RALGAPB: variants seen among roughly 807,000 people sequenced by gnomAD.
RALGAPB encodes Ral GTPase activating protein non-catalytic subunit beta, also known as ral GTPase-activating protein subunit beta.
Under a neutral mutation model 161.1 loss-of-function variants are expected in RALGAPB, and 25 were observed. The observed-to-expected ratio is 0.16, with a 90% CI of 0.11 to 0.22. The LOEUF (loss-of-function observed/expected upper bound fraction) is 0.22, where lower values mean the gene tolerates loss of function less well. Ranked by LOEUF, RALGAPB falls within the 10% of genes least tolerant of loss-of-function variation. The pLI, the probability that RALGAPB is intolerant of heterozygous loss-of-function variation, is 1.00. For synonymous variants in RALGAPB, 629 were observed against 626.1 expected, an observed-to-expected ratio of 1.00 and a Z score of -0.07; for missense variants, 1,391 against 1,815.2, an observed-to-expected ratio of 0.77 and a Z score of 4.25.
chr20:38,473,362 C>T (rs934722181), intron 1 of RALGAPB, among the ~76,000 whole-genome samples: 5 of 152,084 alleles, frequency 3.3e-5, no homozygotes, highest in African/African-American at 1.2e-4. Flanking sequence ...GGGTCTGGAG[C>T]GGAGCTAGAC....
intron 14 of RALGAPB, among the ~76,000 whole-genome samples, chr20:38,531,818 AATT>A (rs1366067371): frequency 5.3e-5 from 8 of 152,126 alleles, no homozygotes; most frequent in Admixed American, 6.5e-5. Context: ...TGGGTGATCA[AATT>A]ATTATTACGG....
At chr20:38,557,200 G>T (rs2087614526) in intron 22 of RALGAPB, among the ~76,000 whole-genome samples, 1 of 152,174 alleles carries the variant, frequency 6.6e-6, no homozygotes, top group Admixed American at 6.5e-5. Flanking sequence ...TGAAAAATGT[G>T]TAGACTTAAT....
intron 13 of RALGAPB, among the ~76,000 whole-genome samples, chr20:38,530,303 A>T (rs6100086): frequency 6.6e-6 from 1 of 152,144 alleles, no homozygotes; most frequent in Non-Finnish European, 1.5e-5. Context: ...TACTACAGCT[A>T]ATTTTATACA....
chr20:38,483,754 C>T lies in RALGAPB; in HGVS notation c.-30-4649C>T, dbSNP rs542386044. Among the ~76,000 whole-genome samples the T allele has an allele frequency of 3.2e-4, 49 of 152,274 alleles. No homozygotes were observed. In the South Asian group the frequency reaches 0.01, roughly 32 times the overall value. On this transcript the variant is annotated intron_variant, in intron 1 of 29. Transcript: ENST00000262879. ...GTGAGGGTTCTGCCATGGTGCTATC[C>T]TGAGAGGTTGATTCTTGCCTAGGAG...
At chr20:38,497,222 CT>C in intron 3 of RALGAPB, 130 bp from the exon 4 acceptor site, 1 of 791,296 alleles carries the variant, frequency 1.3e-6, no homozygotes, top group Non-Finnish European at 2.0e-6. Context: ...GACGGTATGC[CT>C]AGCCCTCTCT....
At position 38,578,601 on chromosome 20, in the gene RALGAPB, T is replaced by G. The variant is rs547820116; in HGVS notation, c.*3634T>G. The stretch of plus-strand genomic sequence containing the variant: ...ATCATATATACAGTTTGTATGAATT[T>G]CAGTATGTTGCCAAGACATGATTTT... On this transcript the variant is annotated 3_prime_UTR_variant, in exon 30 of 30. Transcript: ENST00000262879. The G allele has an allele frequency of 2.6e-5, 4 of 152,788 alleles. No individual in the cohort carries two copies. The highest frequency in any genetic ancestry group is 7.2e-5 in the African/African-American group (3 of 41,570). The allele number at this position is 152,788 out of a possible 1,614,324, so 9.5% of individuals were successfully genotyped here.
rs56716236 is a variant in RALGAPB, at chr20:38,577,698, G to GACACAC, written c.*2760_*2765dup. On this transcript the variant is annotated 3_prime_UTR_variant, in exon 30 of 30. Transcript: ENST00000262879. ...ATTGGGCCTTTGAAAGGACTAATCA[G>GACACAC]ACACACACACACACACACACACACA... is the stretch of plus-strand genomic sequence containing the variant. 10,258 of 146,244 alleles carry GACACAC rather than the reference G, an allele frequency of 0.07. 386 individuals are homozygous for GACACAC. The highest frequency in any genetic ancestry group is 0.088 in the African/African-American group (3,445 of 39,336). The allele number at this position is 146,244 out of a possible 1,614,324, so 9.1% of individuals were successfully genotyped here. A position where few individuals can be genotyped will look rare whatever the true frequency, so the allele number is the denominator to read the frequency against.
intron 3 of RALGAPB, among the ~76,000 whole-genome samples, chr20:38,496,120 C>G (rs2085420726): frequency 6.6e-6 from 1 of 152,118 alleles, no homozygotes. Flanking sequence ...TTTACTAGAT[C>G]CACCTTTAGC....
chr20:38,522,858 C>A (rs958973650), intron 10 of RALGAPB, among the ~76,000 whole-genome samples: 16 of 152,156 alleles, frequency 1.1e-4, no homozygotes, highest in Non-Finnish European at 2.2e-4. Context: ...GCAGTATGGC[C>A]TCATGAAGAG....
chr20:38,534,351 C>G (rs2145354837), intron 15 of RALGAPB: 1 of 152,594 alleles, frequency 6.6e-6, no homozygotes, highest in East Asian at 1.9e-4. Flanking sequence ...AATGATCATT[C>G]CTTTTTCTGT....
chr20:38,525,832 G>A, intron 12 of RALGAPB, 63 bp from the exon 13 acceptor site: 1 of 1,530,306 alleles, frequency 6.5e-7, no homozygotes, highest in Non-Finnish European at 9.0e-7. Flanking sequence ...CCATCTAGCT[G>A]TTCCCACATG....
rs376696839 is a variant in RALGAPB, at chr20:38,539,758, C to G, written c.2380-18C>G. ...ATTCCTGGCTGATTGTTTTTGTTCT[C>G]CAAATGAATATGCTCAGGTAAAAGT... On this transcript the variant is annotated intron_variant, in intron 16 of 29. Transcript: ENST00000262879. 1 of 1,605,942 alleles carries G rather than the reference C, an allele frequency of 6.2e-7. No homozygotes were observed. Among genetic ancestry groups the G allele is most frequent in the Non-Finnish European group, 8.5e-7 (1 of 1,174,306 alleles).
rs2086177806 is a variant in RALGAPB at position 38,517,834 on chromosome 20, T to G, written c.1251T>G (p.Ser417=). The G allele has an allele frequency of 1.9e-6, 3 of 1,614,066 alleles. No homozygotes were observed. Among genetic ancestry groups the G allele is most frequent in the Non-Finnish European group, 2.5e-6 (3 of 1,179,938 alleles). Residue 417 remains serine, a synonymous_variant, in exon 9 of 30, where the codon TCT becomes TCG. Transcript: ENST00000262879. ...TTCAGCACCAGACGTCCTCCACCTC[T>G]CCTCTGTCAAGTCCAAATCAGACTA... is the stretch of plus-strand genomic sequence containing the variant. ...SKVQHQTSST[S]PLSSPNQTSS...
At chr20:38,571,241 G>C (rs2145537961) in intron 28 of RALGAPB, among the ~76,000 whole-genome samples, 1 of 152,096 alleles carries the variant, frequency 6.6e-6, no homozygotes, top group South Asian at 2.1e-4. Context: ...CTTAACATAA[G>C]ATCTACCCTC....
chr20:38,553,793 A>AAAC lies in RALGAPB; in HGVS notation c.3163-72_3163-71insCAA, dbSNP rs2087472951. 37 of 864,424 alleles carry AAAC rather than the reference A, an allele frequency of 4.3e-5. 1 individual carries two copies. The highest frequency in any genetic ancestry group is 5.6e-5 in the Non-Finnish European group (33 of 593,478). The allele number at this position is 864,424 out of a possible 1,614,324, so 53.5% of individuals were successfully genotyped here. A position where few individuals can be genotyped will look rare whatever the true frequency, so the allele number is the denominator to read the frequency against. On this transcript the variant is annotated intron_variant, in intron 21 of 29. Transcript: ENST00000262879. ...GCCCAGTCTCAAAAAAAAAAAAAAAAAAAAAAAACACTTAAGATTGGCCTT... is the reference window on the plus strand; with the variant it reads ...GCCCAGTCTCAAAAAAAAAAAAAAAAAACAAAAAAAACACTTAAGATTGGCCTT...
chr20:38,574,656 T>C (rs1006726616), intron 29 of RALGAPB, 118 bp from the exon 30 acceptor site: 7 of 1,040,072 alleles, frequency 6.7e-6, no homozygotes, highest in Middle Eastern at 2.8e-4. Flanking sequence ...GGATGGGAAG[T>C]TTGCAAATTG....
At chr20:38,502,874 G>A (rs575246092) in intron 5 of RALGAPB, among the ~76,000 whole-genome samples, 51 of 152,174 alleles carry the variant, frequency 3.4e-4, no homozygotes, top group Non-Finnish European at 6.3e-4. Context: ...CCAAAGTGCT[G>A]GGATTACAGG....
chr20:38,564,723 C>T (rs989861579), intron 24 of RALGAPB, among the ~76,000 whole-genome samples: 2 of 152,094 alleles, frequency 1.3e-5, no homozygotes, highest in African/African-American at 4.8e-5. Context: ...GTGTCACTGA[C>T]CATTGAGGAA....
intron 5 of RALGAPB, among the ~76,000 whole-genome samples, chr20:38,506,176 A>G (rs1162727628): frequency 1.3e-5 from 2 of 152,196 alleles, no homozygotes; most frequent in Non-Finnish European, 2.9e-5. Flanking sequence ...GGTTATATGC[A>G]AATACTAAAT....
Sources: allele counts gnomAD v4.1 joint callset (sites outside exome capture counted in the v4.1 genomes callset), GRCh38; gene constraint gnomAD v4.1.1; transcripts MANE v1.5; gene names NCBI Gene and HGNC (gene_info 2026-07-23, HGNC 2026-07-21).